The following RPGRIP1L variants were observed in gnomAD, a reference collection of about 807,000 sequenced individuals.
RPGRIP1L encodes protein fantom.
A neutral mutation model predicts 160.4 loss-of-function variants in RPGRIP1L; 131 were observed. That is an observed-to-expected ratio of 0.82 (90% CI 0.71 to 0.94). RPGRIP1L has a LOEUF of 0.94. RPGRIP1L is among the 40% of genes least tolerant of loss of function. The pLI is 0.00. For missense variants in RPGRIP1L, 1,522 were observed against 1,535.8 expected, an observed-to-expected ratio of 0.99 and a Z score of 0.15; for synonymous variants, 510 against 515.8, an observed-to-expected ratio of 0.99 and a Z score of 0.15.
Position 53,657,466 on chromosome 16 carries a change from T to A in RPGRIP1L, c.1568A>T (p.Asn523Ile), listed in dbSNP as rs1359160464. 1 of 1,608,426 alleles carries A rather than the reference T, an allele frequency of 6.2e-7. No homozygotes were observed. Among genetic ancestry groups the A allele is most frequent in the Non-Finnish European group, 8.5e-7 (1 of 1,175,774 alleles). Reference protein sequence around the residue: ...RNMLIMQHKINKDYQMEVEAV... With the variant: ...RNMLIMQHKIIKDYQMEVEAV... ...GTATTACATTACCTGATAATCTTTA[T>A]TAATTTTGTGTTGCATAATTAGCAT... is the stretch of plus-strand genomic sequence containing the variant. The change falls in exon 13 of 27, where the codon AAT (asparagine) becomes ATT (isoleucine). Residue 523 changes from asparagine to isoleucine, a missense_variant. Physicochemically the swap from Asn to Ile is moderately radical, Grantham distance 149. Coordinates refer to ENST00000647211, the MANE Select transcript of RPGRIP1L (RefSeq NM_015272.5).
At chr16:53,692,443 T>C in intron 3 of RPGRIP1L, 79 bp from the exon 4 acceptor site, 2 of 1,319,488 alleles carry the variant, frequency 1.5e-6, no homozygotes, top group South Asian at 1.2e-5. Flanking sequence ...ACATAATCAC[T>C]GTGAAGACTT....
At chr16:53,623,923 G>T (rs1964902792) in intron 22 of RPGRIP1L, among the ~76,000 whole-genome samples, 1 of 151,990 alleles carries the variant, frequency 6.6e-6, no homozygotes, top group Non-Finnish European at 1.5e-5. Context: ...TCAGGTTCTT[G>T]CTTTGTTGTC....
intron 2 of RPGRIP1L, among the ~76,000 whole-genome samples, chr16:53,697,862 A>C: frequency 7.4e-6 from 1 of 135,200 alleles, no homozygotes; most frequent in African/African-American, 2.8e-5. Flanking sequence ...CTGGCTGCCC[A>C]GTCTGGAAAG....
intron 17 of RPGRIP1L, among the ~76,000 whole-genome samples, chr16:53,643,337 G>C (rs1966358572): frequency 6.7e-6 from 1 of 150,048 alleles, no homozygotes; most frequent in African/African-American, 2.4e-5. Context: ...AGTGGGCCTT[G>C]ACAAGAGCCT....
intron 22 of RPGRIP1L, among the ~76,000 whole-genome samples, chr16:53,631,162 T>C (rs1965493473): frequency 6.6e-6 from 1 of 152,264 alleles, no homozygotes; most frequent in African/African-American, 2.4e-5. Flanking sequence ...TAATTTTTCA[T>C]ATGCGAATTC....
chr16:53,702,274 A>G (rs1971480835), intron 1 of RPGRIP1L, among the ~76,000 whole-genome samples: 1 of 152,206 alleles, frequency 6.6e-6, no homozygotes, highest in East Asian at 1.9e-4. Flanking sequence ...GAAAGTATTA[A>G]TAGTTGTGTC....
At chr16:53,694,764 A>C (rs904528498) in intron 3 of RPGRIP1L, 4 of 152,282 alleles carry the variant, frequency 2.6e-5, no homozygotes, top group Admixed American at 2.6e-4. Flanking sequence ...CGCCCGCCTC[A>C]GCCTCCCAAA....
chr16:53,695,664 C>T (rs1970699117), intron 3 of RPGRIP1L: 1 of 530,960 alleles, frequency 1.9e-6, no homozygotes, highest in Admixed American at 3.4e-5. Context: ...ACAGTAGAGA[C>T]TCTTTGAAAT....
chr16:53,624,375 AC>A (rs780540876), intron 22 of RPGRIP1L, among the ~76,000 whole-genome samples: 3 of 148,644 alleles, frequency 2.0e-5, no homozygotes, highest in African/African-American at 5.1e-5. Context: ...ACACGGTGAA[AC>A]CCTGTTTCTA....
chr16:53,675,359 C>T (rs1199816186), intron 6 of RPGRIP1L, among the ~76,000 whole-genome samples: 1 of 152,036 alleles, frequency 6.6e-6, no homozygotes, highest in Non-Finnish European at 1.5e-5. Context: ...TTGAAGGGAG[C>T]CCCCAAACTT....
chr16:53,653,749 TTTAA>T (rs1967004021), intron 14 of RPGRIP1L, among the ~76,000 whole-genome samples: 1 of 152,218 alleles, frequency 6.6e-6, no homozygotes, highest in Admixed American at 6.5e-5. Flanking sequence ...GGCTTCTGTT[TTTAA>T]TTATTTTCTT....
chr16:53,670,490 C>G (rs1344239454), intron 9 of RPGRIP1L, among the ~76,000 whole-genome samples: 1 of 152,114 alleles, frequency 6.6e-6, no homozygotes, highest in East Asian at 1.9e-4. Flanking sequence ...CACACAGACA[C>G]ACACACACAC....
At position 53,619,161 on chromosome 16, in the gene RPGRIP1L, A is replaced by G; in HGVS notation, c.3480T>C (p.Asp1160=). The change falls in exon 24 of 27, where the codon GAT becomes GAC. Residue 1160 remains aspartate, a synonymous_variant. Coordinates refer to ENST00000647211, the MANE Select transcript of RPGRIP1L (RefSeq NM_015272.5). ...RIEIIALSLN[D]SQVTMDDTIQ... ...TAGTGTCATCCATGGTTACTTGAGA[A>G]TCATTAAGGCTTAGAGCTATGATCT... 5 of 1,614,036 alleles carry G rather than the reference A, an allele frequency of 3.1e-6. No homozygotes were observed. Among genetic ancestry groups the G allele is most frequent in the Non-Finnish European group, 4.2e-6 (5 of 1,180,032 alleles).
At chr16:53,667,163 A>G (rs965493844) in intron 9 of RPGRIP1L, among the ~76,000 whole-genome samples, 5 of 152,196 alleles carry the variant, frequency 3.3e-5, no homozygotes, top group Non-Finnish European at 7.4e-5. Context: ...GTCTTTGTAC[A>G]CATTTCACTG....
At chr16:53,656,716 A>G in intron 13 of RPGRIP1L, 127 bp from the exon 14 acceptor site, 2 of 737,822 alleles carry the variant, frequency 2.7e-6, no homozygotes, top group Admixed American at 2.0e-5. Flanking sequence ...TGGTTTCCTG[A>G]CCTCAAGTAG....
At chr16:53,686,364 T>C in intron 6 of RPGRIP1L, 69 bp downstream of exon 6, 3 of 1,479,260 alleles carry the variant, frequency 2.0e-6, no homozygotes, top group South Asian at 2.3e-5. Flanking sequence ...CTTATCCTTT[T>C]ATGGCACATG....
intron 13 of RPGRIP1L, 84 bp downstream of exon 13, chr16:53,657,369 C>T: frequency 4.5e-6 from 4 of 891,404 alleles, no homozygotes; most frequent in Non-Finnish European, 5.4e-6. Context: ...TAATAGATAA[C>T]AGGTGATAAC....
At position 53,652,869 on chromosome 16, in the gene RPGRIP1L, T is replaced by C. The variant is rs1050535703; in HGVS notation, c.1818A>G (p.Leu606=). 1.2e-6 allele frequency: 2 copies of C among 1,612,692 alleles called. No homozygotes were observed. Among genetic ancestry groups the C allele is most frequent in the African/African-American group, 1.3e-5 (1 of 74,784 alleles). Reference sequence around the variant, plus strand: ...TTACTTTGTTGATATGGATTTCAAATAGATTTTCGCCTCGTTCTAAGTGGA... The same window carrying C: ...TTACTTTGTTGATATGGATTTCAAACAGATTTTCGCCTCGTTCTAAGTGGA... ...ETIHLERGEN[L]FEIHINKVTF... Residue 606 remains leucine, a synonymous_variant, in exon 15 of 27, where the codon CTA becomes CTG. Transcript: ENST00000647211.
chr16:53,696,336 A>G (rs758559784), intron 2 of RPGRIP1L, 41 bp from the exon 3 acceptor site: 2 of 1,603,228 alleles, frequency 1.2e-6, no homozygotes, highest in South Asian at 2.2e-5. Context: ...GGTTACTTAA[A>G]ATAGTCTCTA....
Sources: gnomAD v4.1 joint callset for allele counts (sites outside exome capture counted in the v4.1 genomes callset) on GRCh38, gnomAD v4.1.1 for gene constraint, MANE v1.5 for transcripts, NCBI Gene and HGNC (gene_info 2026-07-23, HGNC 2026-07-21) for gene names.